Variants in TOP1 observed in about 807,000 individuals in gnomAD.
TOP1 encodes DNA topoisomerase I, also known as DNA topoisomerase 1.
In TOP1, 10 loss-of-function variants were observed where a neutral mutation model predicts 111.1. That is an observed-to-expected ratio of 0.09 (90% CI 0.06 to 0.15). The LOEUF (loss-of-function observed/expected upper bound fraction) is 0.15. Among genes scored for constraint, TOP1 ranks in the 10% least tolerant of loss-of-function variants. TOP1 has a pLI of 1.00. For synonymous variants in TOP1, 271 were observed against 302.9 expected (o/e 0.89, Z 1.10); for missense variants, 474 against 926.7 (o/e 0.51, Z 6.34).
At chr20:41,073,834 T>C (rs1364642692) in intron 3 of TOP1, among the ~76,000 whole-genome samples, 3 of 152,122 alleles carry the variant, frequency 2.0e-5, no homozygotes, top group Admixed American at 6.6e-5. Flanking sequence ...TGTTTTGCCA[T>C]CCCCTCCCCC....
In TOP1 at chr20:41,110,309, G is replaced by A. The variant is rs1367437545; in HGVS notation, c.1309-2473G>A. ...AGAGGGAAAAAAAAAAGTTAAAAAGGCAGACAGAGGAGTCTATATTGTATG... is the reference window on the plus strand; with the variant it reads ...AGAGGGAAAAAAAAAAGTTAAAAAGACAGACAGAGGAGTCTATATTGTATG... On this transcript the variant is annotated intron_variant, in intron 13 of 20. Transcript: ENST00000361337. This position sits in a 1 kb window ranked among gnomAD's most constrained non-coding sequence, Gnocchi z 4.2. Among the ~76,000 whole-genome samples, 2 of 152,056 alleles carry A rather than the reference G, an allele frequency of 1.3e-5. No homozygotes were observed. The highest frequency in any genetic ancestry group is 2.9e-5 in the Non-Finnish European group (2 of 67,998).
At chr20:41,119,258 A>G (rs1004614263) in intron 18 of TOP1, among the ~76,000 whole-genome samples, 6 of 152,234 alleles carry the variant, frequency 3.9e-5, no homozygotes, top group African/African-American at 1.4e-4. Flanking sequence ...TGATAAAGTC[A>G]TAAGTGCTGC....
intron 13 of TOP1, among the ~76,000 whole-genome samples, chr20:41,107,395 G>C (rs2145958736): frequency 6.6e-6 from 1 of 151,950 alleles, no homozygotes; most frequent in Non-Finnish European, 1.5e-5. Flanking sequence ...CATACTCTTT[G>C]TCTCTTTAGG....
In TOP1 at chr20:41,060,314, A is replaced by G. The variant is rs544712661; in HGVS notation, c.59-1080A>G. Among the ~76,000 whole-genome samples the G allele has an allele frequency of 5.9e-5, 9 of 152,374 alleles. No individual in the cohort carries two copies. In the East Asian group the frequency reaches 1.2e-3, roughly 20 times the overall value. ...ATATCCACACAATGTAACACCACTC[A>G]GCAATAAAATGGAACCAACAACTGA... is the stretch of plus-strand genomic sequence containing the variant. On this transcript the variant is annotated intron_variant, in intron 2 of 20. Transcript: ENST00000361337.
chr20:41,113,859 G>A (rs561183879), intron 14 of TOP1, 111 bp from the exon 15 acceptor site: 75 of 888,188 alleles, frequency 8.4e-5, no homozygotes, highest in Non-Finnish European at 1.1e-4. Context: ...CTCTAGCCTG[G>A]CGACAGAGCG....
intron 2 of TOP1, among the ~76,000 whole-genome samples, chr20:41,050,647 C>G (rs1014254160): frequency 6.6e-6 from 1 of 152,204 alleles, no homozygotes; most frequent in Non-Finnish European, 1.5e-5. Context: ...TCCCTCTCCC[C>G]TAACAGTTGG....
chr20:41,062,452 C>T (rs961244504), intron 3 of TOP1, among the ~76,000 whole-genome samples: 1 of 152,152 alleles, frequency 6.6e-6, no homozygotes, highest in African/African-American at 2.4e-5. Context: ...ATGCCTGTGG[C>T]CTTTTTTCCC....
At chr20:41,084,611 C>T (rs1353225353) in intron 8 of TOP1, 43 bp downstream of exon 8, 1 of 1,118,732 alleles carries the variant, frequency 8.9e-7, no homozygotes, top group East Asian at 2.6e-5. Flanking sequence ...TTTTTTATTG[C>T]ATATCCTTAC....
chr20:41,087,757 G>A (rs938770490), intron 8 of TOP1, among the ~76,000 whole-genome samples: 5 of 152,202 alleles, frequency 3.3e-5, no homozygotes, highest in African/African-American at 1.2e-4. Flanking sequence ...CTTGTTAACT[G>A]CAAGGGAACT....
At position 41,083,068 on chromosome 20, in the gene TOP1, T is replaced by G. The variant is rs1450660826; in HGVS notation, c.508-1394T>G. The stretch of plus-strand genomic sequence containing the variant: ...TCACTCGCCAACTATAGTTTTTTTG[T>G]TTTTTGTTTTTTTCTCTTGTTTTTG... On this transcript the variant is annotated intron_variant, in intron 7 of 20. Transcript: ENST00000361337. The surrounding 1 kb of genome is among the most constrained non-coding windows in gnomAD (Gnocchi z 7.2). 6.6e-6 allele frequency among the ~76,000 whole-genome samples: 1 copy of G among 152,124 alleles called. No homozygotes were observed. The highest frequency in any genetic ancestry group is 1.5e-5 in the Non-Finnish European group (1 of 68,008).
At position 41,094,253 on chromosome 20, in the gene TOP1, C is replaced by T. The variant is rs1308938091; in HGVS notation, c.730+1666C>T. ...GACCTGTTGACCAGAGAGCCTAAGA[C>T]AGTTCTTTCAGCCCTCACGCTGGTC... On this transcript the variant is annotated intron_variant, in intron 9 of 20. Transcript: ENST00000361337. The surrounding 1 kb of genome is among the most constrained non-coding windows in gnomAD (Gnocchi z 4.4). Among the ~76,000 whole-genome samples, 1 of 152,124 alleles carries T rather than the reference C, an allele frequency of 6.6e-6. No individual in the cohort carries two copies. Among genetic ancestry groups the T allele is most frequent in the Non-Finnish European group, 1.5e-5 (1 of 68,022 alleles).
chr20:41,072,266 T>C lies in TOP1; in HGVS notation c.156-3905T>C, dbSNP rs552853859. The C allele has an allele frequency of 3.6e-4, 358 of 984,588 alleles. 2 individuals carry two copies. The African/African-American group carries it at 5.9e-3, about 16-fold the overall frequency. The allele number at this position is 984,588 out of a possible 1,614,324, so 61.0% of individuals were successfully genotyped here. Reference sequence around the variant, plus strand: ...ATTGTGTCTATTGTGTATGGAAAAGTAGCAGGATCAGTATGAAGATAATAC... The same window carrying C: ...ATTGTGTCTATTGTGTATGGAAAAGCAGCAGGATCAGTATGAAGATAATAC... On this transcript the variant is annotated intron_variant, in intron 3 of 20. Transcript: ENST00000361337.
At chr20:41,113,715 C>CAA (rs987087793) in intron 14 of TOP1, among the ~76,000 whole-genome samples, 2,629 of 103,446 alleles carry the variant, frequency 0.025, 36 homozygotes, top group Non-Finnish European at 0.043. Flanking sequence ...ACTAAAAATA[C>CAA]AAAAAAAAAA....
rs2145926971 is a variant in TOP1, at chr20:41,061,401, T to C, written c.66T>C (p.His22=). The C allele has an allele frequency of 6.2e-7, 1 of 1,613,606 alleles. No homozygotes were observed. Among genetic ancestry groups the C allele is most frequent in the East Asian group, 2.2e-5 (1 of 44,868 alleles). Reference sequence around the variant, plus strand: ...CATCTCTTATGGTTGCAGATTCTCATAAACACAAAGATAAACACAAAGATC... The same window carrying C: ...CATCTCTTATGGTTGCAGATTCTCACAAACACAAAGATAAACACAAAGATC... ...IEADFRLNDS[H]KHKDKHKDRE... is the part of the protein sequence containing the mutation. Residue 22 remains histidine (H), a synonymous_variant, in exon 3 of 21, where the codon CAT becomes CAC. Coordinates refer to ENST00000361337, the MANE Select transcript of TOP1 (RefSeq NM_003286.4). The surrounding 1 kb of genome is among the most constrained non-coding windows in gnomAD (Gnocchi z 4.6).
At chr20:41,037,274 A>G (rs1051582459) in intron 2 of TOP1, among the ~76,000 whole-genome samples, 7 of 152,246 alleles carry the variant, frequency 4.6e-5, no homozygotes, top group Non-Finnish European at 7.3e-5. Flanking sequence ...TGGATTTTCT[A>G]TTAAAAATAA....
At chr20:41,037,118 C>T (rs1454684621) in intron 2 of TOP1, among the ~76,000 whole-genome samples, 1 of 152,128 alleles carries the variant, frequency 6.6e-6, no homozygotes, top group African/African-American at 2.4e-5. Flanking sequence ...GCATGAGCCA[C>T]CGCGCCAAGC....
In TOP1 at chr20:41,029,404, T is replaced by C. The variant is rs751189056; in HGVS notation, c.34-27T>C. 1 of 1,463,390 alleles carries C rather than the reference T, an allele frequency of 6.8e-7. No homozygotes were observed. Among genetic ancestry groups the C allele is most frequent in the Non-Finnish European group, 9.1e-7 (1 of 1,103,874 alleles). The allele number at this position is 1,463,390 out of a possible 1,614,324, so 90.7% of individuals were successfully genotyped here. A position where few individuals can be genotyped will look rare whatever the true frequency, so the allele number is the denominator to read the frequency against. On this transcript the variant is annotated intron_variant, in intron 1 of 20. Coordinates refer to ENST00000361337, the MANE Select transcript of TOP1 (RefSeq NM_003286.4). The surrounding 1 kb of genome is among the most constrained non-coding windows in gnomAD (Gnocchi z 6.1). ...CGGAGGGGTTAAAGTGGCTGTTGTT[T>C]GATATTCTCTCCTTTTCTTTTTCCA...
rs1156286594 is a variant in TOP1, at chr20:41,080,277, A to G, written c.431+97A>G. 3 of 697,350 alleles carry G rather than the reference A, an allele frequency of 4.3e-6. No homozygotes were observed. The East Asian group carries it at 8.7e-5, about 20-fold the overall frequency. 43.2% of individuals were successfully genotyped at this position (697,350 alleles called of 1,614,324 possible). The stretch of plus-strand genomic sequence containing the variant: ...TCTTTATAATACATATAGAAACTGC[A>G]TTAATTGGCTTTTACTCATTTGGAA... On this transcript the variant is annotated intron_variant, in intron 6 of 20. Coordinates refer to ENST00000361337, the MANE Select transcript of TOP1 (RefSeq NM_003286.4). The surrounding 1 kb of genome is among the most constrained non-coding windows in gnomAD (Gnocchi z 5.0).
chr20:41,099,716 T>A (rs975668534), intron 11 of TOP1, among the ~76,000 whole-genome samples: 1 of 152,202 alleles, frequency 6.6e-6, no homozygotes, highest in African/African-American at 2.4e-5. Context: ...TATCAGAGAC[T>A]CTTCTCCATT....
Sources: gnomAD v4.1 joint callset for allele counts (sites outside exome capture counted in the v4.1 genomes callset) on GRCh38, gnomAD v4.1.1 for gene constraint, Gnocchi (gnomAD v3.1) non-coding constraint, MANE v1.5 for transcripts, NCBI Gene and HGNC (gene_info 2026-07-23, HGNC 2026-07-21) for gene names.